The following IAPP variants were observed in gnomAD, a reference collection of about 807,000 sequenced individuals.
IAPP encodes the protein islet amyloid polypeptide.
A neutral mutation model predicts 2.9 loss-of-function variants in IAPP; 4 were observed. The observed-to-expected ratio is 1.39, with a 90% CI of 0.69 to 3.19. The LOEUF (loss-of-function observed/expected upper bound fraction) is 3.19, where lower values mean the gene tolerates loss of function less well. Ranked by LOEUF, IAPP falls within the 30% of genes most tolerant of loss-of-function variation. IAPP has a pLI of 0.01. For missense variants in IAPP, 114 were observed against 105.3 expected (o/e 1.08, Z -0.36); for synonymous variants, 40 against 42.1 (o/e 0.95, Z 0.19).
intron 1 of IAPP, among the ~76,000 whole-genome samples, chr12:21,366,694 T>C (rs1939415856): frequency 6.6e-6 from 1 of 152,030 alleles, no homozygotes; most frequent in African/African-American, 2.4e-5. Context: ...GAGATAACGA[T>C]GGATATTACA....
In IAPP at chr12:21,378,604, A is replaced by G. The variant is rs1940381735; in HGVS notation, c.*178A>G. ...TAGTACTAACTAAGGTCCCATAATA[A>G]AAAGATAGTATCTTTTAAAATGAAA... On this transcript the variant is annotated 3_prime_UTR_variant, in exon 3 of 3. Transcript: ENST00000240652. 1.8e-6 allele frequency: 1 copy of G among 542,206 alleles called. No homozygotes were observed. Among genetic ancestry groups the G allele is most frequent in the Admixed American group, 3.1e-5 (1 of 31,870 alleles). The allele number at this position is 542,206 out of a possible 1,614,324, so 33.6% of individuals were successfully genotyped here.
intron 1 of IAPP, among the ~76,000 whole-genome samples, chr12:21,357,361 C>A (rs1938451793): frequency 6.6e-6 from 1 of 152,132 alleles, no homozygotes; most frequent in Non-Finnish European, 1.5e-5. Flanking sequence ...CTTCTCCAAA[C>A]CAACAAGATT....
chr12:21,367,283 A>G (rs1205022960), intron 1 of IAPP, among the ~76,000 whole-genome samples: 1 of 152,202 alleles, frequency 6.6e-6, no homozygotes, highest in Non-Finnish European at 1.5e-5. Context: ...AAGCTACTGC[A>G]GTATATGTTC....
In IAPP at chr12:21,373,471, A is replaced by C. The variant is rs1413753287; in HGVS notation, c.80+40A>C. The C allele has an allele frequency of 2.2e-6, 3 of 1,350,498 alleles. No homozygotes were observed. In the African/African-American group the frequency reaches 4.3e-5, roughly 19 times the overall value. 83.7% of individuals were successfully genotyped at this position (1,350,498 alleles called of 1,614,324 possible). A position where few individuals can be genotyped will look rare whatever the true frequency, so the allele number is the denominator to read the frequency against. On this transcript the variant is annotated intron_variant, in intron 2 of 2. Transcript: ENST00000240652. ...AATCCTGTTTCTTTGTAACTTTTGT[A>C]AAGTGTGAGAAAATTAGAATTAAAT... is the stretch of plus-strand genomic sequence containing the variant.
chr12:21,375,794 T>C lies in IAPP; in HGVS notation c.80+2363T>C, dbSNP rs1029727083. Among the ~76,000 whole-genome samples, 3 of 152,240 alleles carry C rather than the reference T, an allele frequency of 2.0e-5. No homozygotes were observed. The East Asian group carries it at 5.8e-4, about 29-fold the overall frequency. ...TTATACTTTGGCTTATTGTCATCTCTGTTTAAACTCTCTTAAAGTCAAGAA... is the reference window on the plus strand; with the variant it reads ...TTATACTTTGGCTTATTGTCATCTCCGTTTAAACTCTCTTAAAGTCAAGAA... On this transcript the variant is annotated intron_variant, in intron 2 of 2. Coordinates refer to ENST00000240652, the MANE Select transcript of IAPP (RefSeq NM_000415.3).
intron 2 of IAPP, among the ~76,000 whole-genome samples, chr12:21,374,141 T>C (rs1940010293): frequency 6.6e-6 from 1 of 152,192 alleles, no homozygotes; most frequent in Admixed American, 6.5e-5. Flanking sequence ...GGAAGTCTTA[T>C]TACGAAAGGT....
intron 1 of IAPP, among the ~76,000 whole-genome samples, chr12:21,362,816 A>G (rs1379073305): frequency 1.3e-5 from 2 of 152,220 alleles, no homozygotes; most frequent in Non-Finnish European, 2.9e-5. Context: ...ACATAATGGT[A>G]ACAGGATCAA....
intron 2 of IAPP, among the ~76,000 whole-genome samples, chr12:21,376,049 T>C (rs1940171652): frequency 6.6e-6 from 1 of 152,170 alleles, no homozygotes; most frequent in Non-Finnish European, 1.5e-5. Context: ...GAAAAGCAAT[T>C]TCACAAATAT....
intron 1 of IAPP, among the ~76,000 whole-genome samples, chr12:21,359,711 C>G (rs1938668417): frequency 6.6e-6 from 1 of 150,586 alleles, no homozygotes; most frequent in African/African-American, 2.5e-5. Context: ...CGTGCCACTG[C>G]ACTCCAGCCT....
chr12:21,357,674 G>T (rs1391896368), intron 1 of IAPP, among the ~76,000 whole-genome samples: 1 of 151,938 alleles, frequency 6.6e-6, no homozygotes, highest in Non-Finnish European at 1.5e-5. Flanking sequence ...TATTCTTAAG[G>T]TTTCTTCTAA....
At chr12:21,359,588 G>A (rs1938651649) in intron 1 of IAPP, among the ~76,000 whole-genome samples, 1 of 151,986 alleles carries the variant, frequency 6.6e-6, no homozygotes, top group Non-Finnish European at 1.5e-5. Context: ...AAATGTCAAT[G>A]GACTTCTAAT....
intron 1 of IAPP, among the ~76,000 whole-genome samples, chr12:21,357,779 C>G (rs1442231594): frequency 3.9e-5 from 6 of 152,034 alleles, no homozygotes; most frequent in Non-Finnish European, 5.9e-5. Flanking sequence ...ATCTGTATGT[C>G]TGAAACAAGA....
intron 1 of IAPP, among the ~76,000 whole-genome samples, chr12:21,356,522 A>G (rs1438789441): frequency 7.3e-6 from 1 of 136,596 alleles, no homozygotes; most frequent in Non-Finnish European, 1.6e-5. Flanking sequence ...GAGAGAGGTA[A>G]GAAAAAAATG....
At position 21,378,583 on chromosome 12, in the gene IAPP, A is replaced by G; in HGVS notation, c.*157A>G. On this transcript the variant is annotated 3_prime_UTR_variant, in exon 3 of 3. Coordinates refer to ENST00000240652, the MANE Select transcript of IAPP (RefSeq NM_000415.3). ...CTCAAAAGATTGTTTTATATGTAGT[A>G]CTAACTAAGGTCCCATAATAAAAAG... The G allele has an allele frequency of 1.6e-6, 1 of 609,126 alleles. No individual in the cohort carries two copies. Among genetic ancestry groups the G allele is most frequent in the Non-Finnish European group, 2.9e-6 (1 of 343,902 alleles). The allele number at this position is 609,126 out of a possible 1,614,324, so 37.7% of individuals were successfully genotyped here.
At chr12:21,367,317 A>G (rs988837497) in intron 1 of IAPP, among the ~76,000 whole-genome samples, 37 of 152,312 alleles carry the variant, frequency 2.4e-4, no homozygotes, top group African/African-American at 8.7e-4. Context: ...ACATAAATCA[A>G]GAAAACTAGA....
chr12:21,374,739 CT>C (rs1023161091), intron 2 of IAPP, among the ~76,000 whole-genome samples: 47 of 152,038 alleles, frequency 3.1e-4, no homozygotes, highest in African/African-American at 1.1e-3. Flanking sequence ...CTGTTTATAT[CT>C]TGATACTTTC....
intron 1 of IAPP, among the ~76,000 whole-genome samples, chr12:21,360,916 G>A (rs920508169): frequency 1.3e-5 from 2 of 152,128 alleles, no homozygotes; most frequent in African/African-American, 4.8e-5. Flanking sequence ...GCCCACCGCA[G>A]CTCAAGGAGG....
chr12:21,370,972 G>A (rs1196698250), upstream of IAPP, among the ~76,000 whole-genome samples: 2 of 152,210 alleles, frequency 1.3e-5, no homozygotes, highest in Admixed American at 1.3e-4. Context: ...TGAAGAGGCG[G>A]TGTTACAGCT....
chr12:21,366,325 C>T (rs1160360731), intron 1 of IAPP, among the ~76,000 whole-genome samples: 2 of 148,810 alleles, frequency 1.3e-5, no homozygotes. Context: ...CACATGTTCT[C>T]ACTCATAGGT....
Sources: gnomAD v4.1 joint callset for allele counts (sites outside exome capture counted in the v4.1 genomes callset) on GRCh38, gnomAD v4.1.1 for gene constraint, MANE v1.5 for transcripts, NCBI Gene and HGNC (gene_info 2026-07-23, HGNC 2026-07-21) for gene names.